NBEA: variants seen among roughly 807,000 people sequenced by gnomAD.
The protein encoded by NBEA is neurobeachin.
Under a neutral mutation model 343.4 loss-of-function variants are expected in NBEA, and 44 were observed. That is an observed-to-expected ratio of 0.13 (90% CI 0.10 to 0.16). The LOEUF (loss-of-function observed/expected upper bound fraction) is 0.16, where lower values mean the gene tolerates loss of function less well. Ranked by LOEUF, NBEA falls within the 10% of genes least tolerant of loss-of-function variation. NBEA has a pLI of 1.00. For missense variants in NBEA, 2,555 were observed against 3,631.3 expected (o/e 0.70, Z 7.62); for synonymous variants, 1,175 against 1,238.7 (o/e 0.95, Z 1.08).
chr13:35,145,960 T>G (rs771417622), intron 18 of NBEA, among the ~76,000 whole-genome samples: 2 of 152,172 alleles, frequency 1.3e-5, no homozygotes, highest in Admixed American at 6.5e-5. Context: ...TCACCTGGCT[T>G]CTTGTTTGAG....
chr13:35,476,446 T>A (rs1316076870), intron 41 of NBEA: 1 of 910,020 alleles, frequency 1.1e-6, no homozygotes, highest in Non-Finnish European at 1.8e-6. Flanking sequence ...TTTTAAAGAA[T>A]CCTTGTGTGA....
In NBEA at chr13:35,207,243, G is replaced by A. The variant is rs563453974; in HGVS notation, c.5367-1457G>A. On this transcript the variant is annotated intron_variant, in intron 31 of 58. Coordinates refer to ENST00000379939, the MANE Select transcript of NBEA (RefSeq NM_001385012.1). ...ACTTATTTGTGGAAAAAAAAGTGTT[G>A]ATATTAAGGAAGTTTAAGCAACAAA... Among the ~76,000 whole-genome samples the A allele has an allele frequency of 4.0e-3, 614 of 152,106 alleles. 1 individual carries two copies. The highest frequency in any genetic ancestry group is 0.031 in the Middle Eastern group (9 of 292).
At chr13:35,480,006 A>G (rs1359654992) in intron 41 of NBEA, among the ~76,000 whole-genome samples, 3 of 148,352 alleles carry the variant, frequency 2.0e-5, no homozygotes, top group Admixed American at 1.4e-4. Context: ...TGACTTTTAC[A>G]TTGCATTTAC....
intron 34 of NBEA, among the ~76,000 whole-genome samples, chr13:35,235,792 C>T (rs2075200049): frequency 6.6e-6 from 1 of 152,082 alleles, no homozygotes; most frequent in South Asian, 2.1e-4. Context: ...TTTTTAGCTT[C>T]TCTGTTTACC....
At chr13:34,991,136 G>C (rs1365823066) in intron 1 of NBEA, among the ~76,000 whole-genome samples, 1 of 152,100 alleles carries the variant, frequency 6.6e-6, no homozygotes, top group Non-Finnish European at 1.5e-5. Flanking sequence ...AACCTTCCTT[G>C]GTCTTCCTGT....
At chr13:35,446,980 G>T (rs1457961222) in intron 39 of NBEA, among the ~76,000 whole-genome samples, 1 of 151,972 alleles carries the variant, frequency 6.6e-6, no homozygotes, top group African/African-American at 2.4e-5. Flanking sequence ...CCACACATAT[G>T]ATTTATAGCT....
At chr13:35,340,562 C>T (rs1180901654) in intron 36 of NBEA, among the ~76,000 whole-genome samples, 1 of 151,908 alleles carries the variant, frequency 6.6e-6, no homozygotes, top group African/African-American at 2.4e-5. Flanking sequence ...AGTAGCAAAA[C>T]AATGAAAATG....
chr13:35,668,749 G>A (rs2085470849), intron 58 of NBEA, among the ~76,000 whole-genome samples: 1 of 152,202 alleles, frequency 6.6e-6, no homozygotes, highest in Non-Finnish European at 1.5e-5. Flanking sequence ...ACAGGTGCCT[G>A]CAGACATGTT....
chr13:35,663,329 A>G (rs964922472), intron 55 of NBEA, among the ~76,000 whole-genome samples: 3 of 152,116 alleles, frequency 2.0e-5, no homozygotes, highest in African/African-American at 4.8e-5. Flanking sequence ...TGTGAGATCA[A>G]TTTCTTCAGC....
chr13:34,946,336 CTT>C (rs1184803065), intron 1 of NBEA, among the ~76,000 whole-genome samples: 7 of 152,214 alleles, frequency 4.6e-5, no homozygotes, highest in African/African-American at 9.6e-5. Context: ...TGTAAACACA[CTT>C]AACATATGTT....
intron 10 of NBEA, among the ~76,000 whole-genome samples, chr13:35,085,455 G>A (rs1451077249): frequency 6.6e-6 from 1 of 152,032 alleles, no homozygotes; most frequent in South Asian, 2.1e-4. Context: ...ATGTAATCCA[G>A]CATATGAACA....
At chr13:35,580,829 A>G (rs1777670) in intron 45 of NBEA, among the ~76,000 whole-genome samples, 119,661 of 152,160 alleles carry the variant, frequency 0.79, 47,405 homozygotes, top group Middle Eastern at 0.86. Context: ...ATACTGTGCA[A>G]CTGTTTCCTA....
intron 41 of NBEA, among the ~76,000 whole-genome samples, chr13:35,539,767 T>A (rs1439429728): frequency 3.3e-5 from 5 of 150,052 alleles, no homozygotes; most frequent in Admixed American, 1.3e-4. Context: ...ATACAAAAAA[T>A]TAGCCGGGCG....
intron 31 of NBEA, among the ~76,000 whole-genome samples, chr13:35,207,286 C>T (rs1476563226): frequency 1.3e-5 from 2 of 151,668 alleles, no homozygotes; most frequent in African/African-American, 2.4e-5. Context: ...GAGAAAGGAC[C>T]ATTGATGTAG....
intron 39 of NBEA, 72 bp downstream of exon 39, chr13:35,432,465 C>CT (rs896937963): frequency 2.0e-3 from 2,716 of 1,335,580 alleles, no homozygotes; most frequent in South Asian, 3.7e-3. Flanking sequence ...AGAATTCCTT[C>CT]TTTTTTTTTC....
chr13:35,355,583 G>A (rs946666453), intron 38 of NBEA, among the ~76,000 whole-genome samples: 2 of 152,066 alleles, frequency 1.3e-5, no homozygotes, highest in Non-Finnish European at 2.9e-5. Flanking sequence ...CAGAGGTTTA[G>A]CATTCACTGA....
At chr13:35,273,665 A>C (rs2034352089) in intron 34 of NBEA, among the ~76,000 whole-genome samples, 2 of 152,184 alleles carry the variant, frequency 1.3e-5, no homozygotes, top group African/African-American at 4.8e-5. Context: ...GATGCAATAA[A>C]AAATGATAAA....
intron 38 of NBEA, among the ~76,000 whole-genome samples, chr13:35,407,119 C>T (rs1270837339): frequency 8.1e-6 from 1 of 122,992 alleles, no homozygotes; most frequent in African/African-American, 2.6e-5. Context: ...GCCACCACAC[C>T]TGGCTAATTT....
rs745510290 is a variant in NBEA, at chr13:35,159,164, T to A, written c.2993T>A (p.Met998Lys). The A allele has an allele frequency of 3.1e-6, 5 of 1,613,392 alleles. No homozygotes were observed. Among genetic ancestry groups the A allele is most frequent in the African/African-American group, 1.3e-5 (1 of 74,894 alleles). The change falls in exon 22 of 59, where the codon ATG (methionine) becomes AAG (lysine). Residue 998 changes from methionine (M) to lysine (K), a missense_variant. By Grantham distance (95) the Met-to-Lys change is moderately conservative. This residue lies in a region of NBEA where 367 missense variants were observed against 377.5 expected (regional missense o/e 0.97). Transcript: ENST00000379939. The part of the protein sequence containing the change: ...SSQTTGAKGG[M>K]EIREIEDLSQ... ...CAGACAACAGGAGCAAAAGGTGGAA[T>A]GGAAATTCGAGAGATAGAAGATCTT... is the stretch of plus-strand genomic sequence containing the variant.
Sources: allele counts gnomAD v4.1 joint callset (sites outside exome capture counted in the v4.1 genomes callset), GRCh38; gene constraint gnomAD v4.1.1; regional missense constraint gnomAD v4.1.1; transcripts MANE v1.5; gene names NCBI Gene and HGNC (gene_info 2026-07-23, HGNC 2026-07-21).